RAP1GAP2: variants seen among roughly 807,000 people sequenced by gnomAD.
RAP1GAP2 encodes the protein RAP1 GTPase activating protein 2, also known as rap1 GTPase-activating protein 2.
In RAP1GAP2, 27 loss-of-function variants were observed where a neutral mutation model predicts 95.0. That is an observed-to-expected ratio of 0.28 (90% CI 0.21 to 0.39). RAP1GAP2 has a LOEUF of 0.39. RAP1GAP2 is among the 10% of genes least tolerant of loss of function. The pLI is 1.00. For missense variants in RAP1GAP2, 771 were observed against 970.0 expected, an observed-to-expected ratio of 0.79 and a Z score of 2.72; for synonymous variants, 373 against 380.9, an observed-to-expected ratio of 0.98 and a Z score of 0.24.
chr17:2,757,970 C>T (rs888386812), intron 1 of RAP1GAP2, among the ~76,000 whole-genome samples: 5 of 151,756 alleles, frequency 3.3e-5, no homozygotes, highest in African/African-American at 7.3e-5. Flanking sequence ...GCCGGGTTCA[C>T]ACCATTCTCC....
chr17:2,933,101 C>A (rs1015202186), intron 3 of RAP1GAP2, among the ~76,000 whole-genome samples: 4 of 152,142 alleles, frequency 2.6e-5, no homozygotes, highest in Non-Finnish European at 5.9e-5. Context: ...AGCCAGCCAG[C>A]CAGACAGTGG....
At chr17:2,945,787 T>C (rs566421564) in intron 3 of RAP1GAP2, among the ~76,000 whole-genome samples, 1 of 151,804 alleles carries the variant, frequency 6.6e-6, no homozygotes, top group African/African-American at 2.4e-5. Flanking sequence ...TTTTTTTTCT[T>C]TATTTTATTA....
chr17:2,927,472 C>T (rs915217203), intron 3 of RAP1GAP2, among the ~76,000 whole-genome samples: 1 of 152,120 alleles, frequency 6.6e-6, no homozygotes, highest in Admixed American at 6.5e-5. Flanking sequence ...TTTCTCACAC[C>T]GCCGTCTCTC....
chr17:3,005,334 C>A lies in RAP1GAP2; in HGVS notation c.1201-35C>A. ...CCGTAGGGGCAGCGCTCGTCTCTTC[C>A]CTCCAGGTCCGTACCATGACTCTGT... On this transcript the variant is annotated intron_variant, in intron 14 of 24. Coordinates refer to ENST00000254695, the MANE Select transcript of RAP1GAP2 (RefSeq NM_015085.5). This position sits in a 1 kb window ranked among gnomAD's most constrained non-coding sequence, Gnocchi z 5.2. The A allele has an allele frequency of 6.3e-7, 1 of 1,598,516 alleles. No individual in the cohort carries two copies. The highest frequency in any genetic ancestry group is 8.6e-7 in the Non-Finnish European group (1 of 1,165,798).
intron 7 of RAP1GAP2, 90 bp downstream of exon 7, chr17:2,964,158 A>G: frequency 9.2e-7 from 1 of 1,083,832 alleles, no homozygotes; most frequent in Non-Finnish European, 1.2e-6. Context: ...GGGGATGGGG[A>G]GAGGTTGAGG....
chr17:2,888,802 C>G (rs1342043923), intron 2 of RAP1GAP2, among the ~76,000 whole-genome samples: 1 of 148,486 alleles, frequency 6.7e-6, no homozygotes, highest in Non-Finnish European at 1.5e-5. Context: ...CAGTGTACAC[C>G]ACCACGCCCA....
intron 2 of RAP1GAP2, among the ~76,000 whole-genome samples, chr17:2,863,927 C>CT (rs1452326360): frequency 5.3e-5 from 8 of 152,168 alleles, no homozygotes; most frequent in African/African-American, 1.9e-4. Context: ...TGGTGGGTGC[C>CT]TGTAATCCCA....
rs1460661830 is a variant in RAP1GAP2, at chr17:2,965,556, A to G, written c.509A>G (p.Tyr170Cys). Residue 170 changes from tyrosine to cysteine, a missense_variant, in exon 8 of 25, where the codon TAC becomes TGC. Tyr to Cys is a radical substitution (Grantham distance 194). Transcript: ENST00000254695. This position sits in a 1 kb window ranked among gnomAD's most constrained non-coding sequence, Gnocchi z 4.7. ...TTTTTTTAGGATCATCTAAACTTTT[A>G]CTGTACCGGCAGCAGCCTGGGGAAC... ...HFLGKDHLNF[Y>C]CTGSSLGNLI... The G allele has an allele frequency of 6.2e-7, 1 of 1,611,814 alleles. No homozygotes were observed. Among genetic ancestry groups the G allele is most frequent in the South Asian group, 1.1e-5 (1 of 90,500 alleles).
intron 4 of RAP1GAP2, among the ~76,000 whole-genome samples, chr17:2,961,090 G>A (rs1304027652): frequency 6.6e-6 from 1 of 152,032 alleles, no homozygotes; most frequent in Non-Finnish European, 1.5e-5. Context: ...GGTGGCACAT[G>A]CCTGTAATCC....
At chr17:2,927,896 T>C (rs1022381205) in intron 3 of RAP1GAP2, among the ~76,000 whole-genome samples, 13 of 152,208 alleles carry the variant, frequency 8.5e-5, no homozygotes, top group Non-Finnish European at 1.8e-4. Context: ...TGACTGATGA[T>C]ACAGTATCAG....
At position 2,827,272 on chromosome 17, in the gene RAP1GAP2, GCT is replaced by G; in HGVS notation, c.80+26726_80+26727del. Among the ~76,000 whole-genome samples the G allele has an allele frequency of 6.6e-6, 1 of 152,136 alleles. No individual in the cohort carries two copies. ...TGGATACCCACTCGCACATCCAACAGCTCTCATTCCCAAAGCGTGTTCTGAGT... is the reference window on the plus strand; with the variant it reads ...TGGATACCCACTCGCACATCCAACAGCTCATTCCCAAAGCGTGTTCTGAGT... On this transcript the variant is annotated intron_variant, in intron 2 of 24. Coordinates refer to ENST00000254695, the MANE Select transcript of RAP1GAP2 (RefSeq NM_015085.5). The surrounding 1 kb of genome is among the most constrained non-coding windows in gnomAD (Gnocchi z 4.1).
At chr17:2,773,771 T>A (rs1034231987), upstream of RAP1GAP2, among the ~76,000 whole-genome samples, 1 of 147,630 alleles carries the variant, frequency 6.8e-6, no homozygotes, top group African/African-American at 2.5e-5. Flanking sequence ...TTATTTATTC[T>A]TTTTTGAGAC....
chr17:3,021,991 T>A (rs2046977939), intron 19 of RAP1GAP2, among the ~76,000 whole-genome samples: 1 of 152,196 alleles, frequency 6.6e-6, no homozygotes, highest in African/African-American at 2.4e-5. Flanking sequence ...TTCTTTTGGA[T>A]ATATTTACCC....
chr17:2,777,527 G>A (rs575748219), intron 1 of RAP1GAP2, among the ~76,000 whole-genome samples: 1 of 152,278 alleles, frequency 6.6e-6, no homozygotes, highest in African/African-American at 2.4e-5. Flanking sequence ...GGCCCTGAGT[G>A]GGGGGTCCAG....
intron 3 of RAP1GAP2, among the ~76,000 whole-genome samples, chr17:2,933,627 C>T (rs1027983424): frequency 2.0e-5 from 3 of 152,236 alleles, no homozygotes; most frequent in Non-Finnish European, 4.4e-5. Flanking sequence ...AAACCAGCCC[C>T]CTGCTCACTT....
intron 1 of RAP1GAP2, among the ~76,000 whole-genome samples, chr17:2,799,222 A>C (rs2069181967): frequency 6.6e-6 from 1 of 152,090 alleles, no homozygotes; most frequent in Non-Finnish European, 1.5e-5. Flanking sequence ...GAGGGTCTGC[A>C]CCCCAGAGCG....
intron 1 of RAP1GAP2, among the ~76,000 whole-genome samples, chr17:2,765,898 G>A (rs911021652): frequency 5.9e-5 from 9 of 152,150 alleles, no homozygotes; most frequent in Non-Finnish European, 1.3e-4. Context: ...GAACCCGGGA[G>A]GTGGAGGTTG....
At chr17:2,900,206 G>T (rs1313291138) in intron 2 of RAP1GAP2, among the ~76,000 whole-genome samples, 2 of 152,200 alleles carry the variant, frequency 1.3e-5, no homozygotes, top group Non-Finnish European at 1.5e-5. Context: ...TTTTCCTGTG[G>T]TTGATTATTA....
rs1267459908 is a variant in RAP1GAP2 at position 2,945,327 on chromosome 17, T to C, written c.166-12432T>C. On this transcript the variant is annotated intron_variant, in intron 3 of 24. Transcript: ENST00000254695. ...GCTGGTGTATAGAAACACAACTGAT[T>C]TTTGTACTCTGCAATTTTGCAGACT... is the stretch of plus-strand genomic sequence containing the variant. 2.6e-5 allele frequency among the ~76,000 whole-genome samples: 4 copies of C among 152,230 alleles called. No homozygotes were observed. In the East Asian group the frequency reaches 7.7e-4, roughly 29 times the overall value.
Sources: gnomAD v4.1 joint callset for allele counts (sites outside exome capture counted in the v4.1 genomes callset) on GRCh38, gnomAD v4.1.1 for gene constraint, Gnocchi (gnomAD v3.1) non-coding constraint, MANE v1.5 for transcripts, NCBI Gene and HGNC (gene_info 2026-07-23, HGNC 2026-07-21) for gene names.